The following MYRFL variants were observed in gnomAD, a reference collection of about 807,000 sequenced individuals.
MYRFL encodes the protein myelin regulatory factor like, also known as myelin regulatory factor-like protein.
In MYRFL, 88 loss-of-function variants were observed where a neutral mutation model predicts 109.4. The ratio of observed to expected loss-of-function variants is 0.80; its 90% confidence interval spans 0.68 to 0.96. MYRFL has a LOEUF of 0.96. Ranked by LOEUF, MYRFL falls within the 40% of genes least tolerant of loss-of-function variation. MYRFL has a pLI of 0.00. For missense variants in MYRFL, 957 were observed against 954.9 expected, an observed-to-expected ratio of 1.00 and a Z score of -0.03; for synonymous variants, 324 against 320.9, an observed-to-expected ratio of 1.01 and a Z score of -0.10.
intron 19 of MYRFL, among the ~76,000 whole-genome samples, chr12:69,939,832 A>C (rs1955586880): frequency 1.3e-5 from 2 of 152,166 alleles, no homozygotes; most frequent in South Asian, 4.1e-4. Flanking sequence ...AATAACCAAT[A>C]CAGAGAAGTG....
intron 8 of MYRFL, among the ~76,000 whole-genome samples, chr12:69,894,439 T>C (rs1311082009): frequency 1.3e-5 from 2 of 152,242 alleles, no homozygotes; most frequent in Non-Finnish European, 2.9e-5. Context: ...TGTTTATTGC[T>C]AAAAACTTTG....
At chr12:69,951,978 T>C in intron 19 of MYRFL, 135 bp from the exon 20 acceptor site, 1 of 685,278 alleles carries the variant, frequency 1.5e-6, no homozygotes, top group Non-Finnish European at 2.5e-6. Context: ...AGGATAGAGA[T>C]TAGATGAGTT....
Position 69,958,028 on chromosome 12 carries a change from A to C in MYRFL, c.2571+86A>C, listed in dbSNP as rs572641294. On this transcript the variant is annotated intron_variant, in intron 23 of 24. Coordinates refer to ENST00000552032, the MANE Select transcript of MYRFL (RefSeq NM_182530.3). ...GTGTTTTCCCTCCCTGGCCAACCCT[A>C]GTCACAGGGCTTGGCTCAGCCTCTT... 6.4e-5 allele frequency: 94 copies of C among 1,466,922 alleles called. No homozygotes were observed. In the Middle Eastern group the frequency reaches 1.1e-3, roughly 17 times the overall value. 90.9% of individuals were successfully genotyped at this position (1,466,922 alleles called of 1,614,324 possible). A position where few individuals can be genotyped will look rare whatever the true frequency, so the allele number is the denominator to read the frequency against.
chr12:69,910,888 C>G lies in MYRFL; in HGVS notation c.1560C>G (p.Cys520Trp), dbSNP rs923626691. ...TAAGAGAGGTTGGTGATGTCACCTG[C>G]GGAAACGGAGAGACCTTGGAGAACT... The part of the protein sequence containing the change: ...RAVREVGDVT[C>W]GNGETLENFL... Residue 520 changes from cysteine to tryptophan, a missense_variant, in exon 13 of 25, where the codon TGC becomes TGG. Cys to Trp is a radical substitution (Grantham distance 215). Transcript: ENST00000552032. The G allele has an allele frequency of 1.3e-6, 2 of 1,534,902 alleles. No homozygotes were observed. Among genetic ancestry groups the G allele is most frequent in the Non-Finnish European group, 1.7e-6 (2 of 1,146,162 alleles).
chr12:69,905,301 C>T (rs1182776408), intron 11 of MYRFL, among the ~76,000 whole-genome samples: 1 of 152,220 alleles, frequency 6.6e-6, no homozygotes, highest in African/African-American at 2.4e-5. Flanking sequence ...TACAAAAAGT[C>T]TTCAAATATT....
chr12:69,936,477 C>T lies in MYRFL; in HGVS notation c.2069C>T (p.Thr690Ile). The T allele has an allele frequency of 1.3e-6, 2 of 1,535,890 alleles. No individual in the cohort carries two copies. The highest frequency in any genetic ancestry group is 1.7e-6 in the Non-Finnish European group (2 of 1,146,784). Residue 690 changes from threonine to isoleucine, a missense_variant, in exon 19 of 25, where the codon ACA (threonine) becomes ATA (isoleucine). Physicochemically the swap from Thr to Ile is moderately conservative, Grantham distance 89. Transcript: ENST00000552032. ...GCACCTAATACATCCCTGGTAACCACACCGGCCTCCTTACAAGTACCTGAA... is the reference window on the plus strand; with the variant it reads ...GCACCTAATACATCCCTGGTAACCATACCGGCCTCCTTACAAGTACCTGAA... Reference protein sequence around the residue: ...SSAPNTSLVTTPASLQVPEIT... With the variant: ...SSAPNTSLVTIPASLQVPEIT...
chr12:69,924,183 C>A (rs190326264), intron 13 of MYRFL, among the ~76,000 whole-genome samples: 3 of 125,144 alleles, frequency 2.4e-5, no homozygotes, highest in East Asian at 4.6e-4. Flanking sequence ...AGCAGGACTC[C>A]GTCTCAGAAA....
At position 69,825,255 on chromosome 12, in the gene MYRFL, C is replaced by T; in HGVS notation, c.-263C>T. 1 of 640,042 alleles carries T rather than the reference C, an allele frequency of 1.6e-6. No individual in the cohort carries two copies. The highest frequency in any genetic ancestry group is 2.8e-6 in the Non-Finnish European group (1 of 354,084). 39.6% of individuals were successfully genotyped at this position (640,042 alleles called of 1,614,324 possible). ...GTAGAAACAGTTCCTTATATTAAGA[C>T]AGATGAATTTGCTACCTCTTCCCTC... is the stretch of plus-strand genomic sequence containing the variant. On this transcript the variant is annotated 5_prime_UTR_variant, in exon 1 of 25. Coordinates refer to ENST00000552032, the MANE Select transcript of MYRFL (RefSeq NM_182530.3).
At chr12:69,943,227 T>C (rs569814571) in intron 19 of MYRFL, among the ~76,000 whole-genome samples, 3,527 of 149,094 alleles carry the variant, frequency 0.024, 151 homozygotes, top group African/African-American at 0.086. Context: ...ATCGCCAAGT[T>C]AATCCTAAGC....
rs1331599502 is a variant in MYRFL at position 69,850,032 on chromosome 12, G to A, written c.47-5248G>A. ...CCTGGTGGGAGATGATTGAATCATAGGGGGAGGTCTTTCCTGTGCTGTTCT... is the reference window on the plus strand; with the variant it reads ...CCTGGTGGGAGATGATTGAATCATAAGGGGAGGTCTTTCCTGTGCTGTTCT... On this transcript the variant is annotated intron_variant, in intron 1 of 24. Coordinates refer to ENST00000552032, the MANE Select transcript of MYRFL (RefSeq NM_182530.3). Among the ~76,000 whole-genome samples the A allele has an allele frequency of 2.6e-5, 4 of 152,260 alleles. No homozygotes were observed. In the South Asian group the frequency reaches 6.2e-4, roughly 24 times the overall value.
intron 13 of MYRFL, among the ~76,000 whole-genome samples, chr12:69,917,191 C>A (rs2120412828): frequency 6.6e-6 from 1 of 152,258 alleles, no homozygotes; most frequent in East Asian, 1.9e-4. Context: ...CACTTGGTTT[C>A]ATTTTAAGAG....
chr12:69,879,528 A>G, intron 4 of MYRFL, 75 bp downstream of exon 4: 2 of 642,920 alleles, frequency 3.1e-6, no homozygotes, highest in Non-Finnish European at 5.6e-6. Context: ...GCAGGCACCT[A>G]GAGAGAATGC....
chr12:69,895,426 A>G lies in MYRFL; in HGVS notation c.1036A>G (p.Ser346Gly), dbSNP rs1160321930. ...TKVTLGRLHF[S>G]ETTANNMRKK... ...AGTAACACTGGGACGATTACACTTCAGCGAAACCACAGCAAATAATATGAG... is the reference window on the plus strand; with the variant it reads ...AGTAACACTGGGACGATTACACTTCGGCGAAACCACAGCAAATAATATGAG... The change falls in exon 9 of 25, where the codon AGC (serine) becomes GGC (glycine). Residue 346 changes from serine to glycine, a missense_variant. Physicochemically the swap from Ser to Gly is moderately conservative, Grantham distance 56. Coordinates refer to ENST00000552032, the MANE Select transcript of MYRFL (RefSeq NM_182530.3). The G allele has an allele frequency of 6.5e-7, 1 of 1,535,492 alleles. No individual in the cohort carries two copies. The highest frequency in any genetic ancestry group is 1.4e-5 in the African/African-American group (1 of 73,032).
rs552863099 is a variant in MYRFL, at chr12:69,908,567, C to T, written c.1384-1402C>T. Among the ~76,000 whole-genome samples the T allele has an allele frequency of 7.2e-5, 11 of 152,284 alleles. No homozygotes were observed. In the South Asian group the frequency reaches 1.9e-3, roughly 26 times the overall value. On this transcript the variant is annotated intron_variant, in intron 11 of 24. Transcript: ENST00000552032. The stretch of plus-strand genomic sequence containing the variant: ...CAAGATCTCAGCTGGGCTTCATCAT[C>T]GCTAGGAAGCCTTCCTTTACGTGTC...
chr12:69,872,017 G>T (rs1338208171), intron 2 of MYRFL, among the ~76,000 whole-genome samples: 2 of 150,674 alleles, frequency 1.3e-5, no homozygotes, highest in African/African-American at 2.4e-5. Context: ...TTGTACAATT[G>T]TCTACATCTT....
chr12:69,877,497 G>A (rs1161647021), intron 2 of MYRFL, among the ~76,000 whole-genome samples: 1 of 152,104 alleles, frequency 6.6e-6, no homozygotes, highest in Admixed American at 6.5e-5. Flanking sequence ...GGCAGTCTTG[G>A]TTGTGTTTTG....
chr12:69,846,391 C>T (rs2136318797), intron 1 of MYRFL, among the ~76,000 whole-genome samples: 1 of 149,316 alleles, frequency 6.7e-6, no homozygotes, highest in South Asian at 2.2e-4. Flanking sequence ...TTCCTGTGTC[C>T]GTGTGTTCTC....
chr12:69,914,599 G>A (rs1261321904), intron 13 of MYRFL, among the ~76,000 whole-genome samples: 1 of 152,172 alleles, frequency 6.6e-6, no homozygotes, highest in Non-Finnish European at 1.5e-5. Context: ...TAGTTGAGTT[G>A]ATTGGGAATA....
chr12:69,936,772 A>C (rs1262445985), intron 19 of MYRFL, 140 bp downstream of exon 19: 1 of 721,954 alleles, frequency 1.4e-6, no homozygotes, highest in Non-Finnish European at 2.1e-6. Flanking sequence ...TTTAAAACAC[A>C]AATACACAAC....
Sources: allele counts gnomAD v4.1 joint callset (sites outside exome capture counted in the v4.1 genomes callset), GRCh38; gene constraint gnomAD v4.1.1; transcripts MANE v1.5; gene names NCBI Gene and HGNC (gene_info 2026-07-23, HGNC 2026-07-21).